ZNF618: variants seen among roughly 807,000 people sequenced by gnomAD.
ZNF618 encodes the protein neural precursor cell expressed, developmentally down-regulated 10.
ZNF618 carries 34 observed loss-of-function variants against 103.0 expected under a neutral mutation model. That is an observed-to-expected ratio of 0.33 (90% CI 0.25 to 0.44). The LOEUF is 0.44. Ranked by LOEUF, ZNF618 falls within the 20% of genes least tolerant of loss-of-function variation. ZNF618 has a pLI of 1.00. For synonymous variants in ZNF618, 551 were observed against 542.2 expected (o/e 1.02, Z -0.23); for missense variants, 1,059 against 1,295.4 (o/e 0.82, Z 2.80).
In ZNF618 at chr9:114,008,473, A is replaced by G. The variant is rs371101836; in HGVS notation, c.677-4A>G. On this transcript the variant is annotated splice_region_variant and splice_polypyrimidine_tract_variant and intron_variant, in intron 8 of 14. Coordinates refer to ENST00000374126, the MANE Select transcript of ZNF618 (RefSeq NM_001318042.2). ...GGTGCTAAGGGCCGTGTGTTCTCCC[A>G]CAGACCCCTTCGACCAAGGTGTCGT... is the stretch of plus-strand genomic sequence containing the variant. 2 of 1,613,910 alleles carry G rather than the reference A, an allele frequency of 1.2e-6. No homozygotes were observed. Among genetic ancestry groups the G allele is most frequent in the South Asian group, 2.2e-5 (2 of 91,070 alleles).
Position 114,032,576 on chromosome 9 carries a change from A to G in ZNF618, c.1085-69A>G, listed in dbSNP as rs986802432. The G allele has an allele frequency of 2.7e-6, 4 of 1,456,552 alleles. No individual in the cohort carries two copies. In the African/African-American group the frequency reaches 5.6e-5, roughly 20 times the overall value. 90.2% of individuals were successfully genotyped at this position (1,456,552 alleles called of 1,614,324 possible). On this transcript the variant is annotated intron_variant, in intron 11 of 14. Coordinates refer to ENST00000374126, the MANE Select transcript of ZNF618 (RefSeq NM_001318042.2). ...AGAGTCCTTGGCCTTCACCCAGCCT[A>G]CCCCTCCCTTGAGACCTAGTGCTGA...
At chr9:114,043,570 T>G (rs945785564) in intron 13 of ZNF618, among the ~76,000 whole-genome samples, 1 of 152,226 alleles carries the variant, frequency 6.6e-6, no homozygotes, top group East Asian at 1.9e-4. Context: ...TACCTAGTAA[T>G]GGGATTGCTG....
chr9:113,938,401 G>A (rs1167695253), intron 1 of ZNF618, among the ~76,000 whole-genome samples: 1 of 150,840 alleles, frequency 6.6e-6, no homozygotes, highest in Non-Finnish European at 1.5e-5. Flanking sequence ...GTTTTGTCTT[G>A]AACTCCTGGC....
intron 1 of ZNF618, among the ~76,000 whole-genome samples, chr9:113,897,786 T>C (rs1467672050): frequency 6.6e-6 from 1 of 152,060 alleles, no homozygotes; most frequent in Non-Finnish European, 1.5e-5. Context: ...ATTTCGTTTT[T>C]TGTTTTGTTT....
chr9:114,019,681 G>T (rs963063024), intron 10 of ZNF618, among the ~76,000 whole-genome samples: 5 of 152,122 alleles, frequency 3.3e-5, no homozygotes, highest in Non-Finnish European at 7.4e-5. Context: ...CATTTATTTG[G>T]TTGGGCTGTT....
At chr9:113,920,984 T>C (rs1250071752) in intron 1 of ZNF618, among the ~76,000 whole-genome samples, 1 of 152,226 alleles carries the variant, frequency 6.6e-6, no homozygotes, top group Non-Finnish European at 1.5e-5. Flanking sequence ...GTGGTGTGTT[T>C]CCCTTGCTAG....
At chr9:113,933,442 C>T (rs1300223322) in intron 1 of ZNF618, among the ~76,000 whole-genome samples, 6 of 152,164 alleles carry the variant, frequency 3.9e-5, no homozygotes, top group South Asian at 2.1e-4. Flanking sequence ...TGGGGCAGCA[C>T]GCAGGAAGAG....
chr9:113,886,672 C>T (rs999814090), intron 1 of ZNF618, among the ~76,000 whole-genome samples: 5 of 151,868 alleles, frequency 3.3e-5, no homozygotes, highest in African/African-American at 1.2e-4. Context: ...TACTAGCCTT[C>T]GTTGGAATTT....
At chr9:113,879,974 C>G (rs1587909063) in intron 1 of ZNF618, among the ~76,000 whole-genome samples, 1 of 152,140 alleles carries the variant, frequency 6.6e-6, no homozygotes, top group East Asian at 1.9e-4. Context: ...TAAGGCTGAC[C>G]TCTCCCTCGT....
intron 1 of ZNF618, among the ~76,000 whole-genome samples, chr9:113,949,170 T>A (rs1344772087): frequency 1.3e-5 from 2 of 152,232 alleles, no homozygotes; most frequent in African/African-American, 4.8e-5. Context: ...TGCGTCTGAC[T>A]TCTGCATTGG....
At chr9:114,007,261 C>G in intron 6 of ZNF618, 89 bp from the exon 7 acceptor site, 1 of 1,118,628 alleles carries the variant, frequency 8.9e-7, no homozygotes, top group Non-Finnish European at 1.3e-6. Flanking sequence ...CTAGTTTCAT[C>G]TTTGGTTTCT....
intron 3 of ZNF618, among the ~76,000 whole-genome samples, chr9:113,995,049 G>A (rs1276271876): frequency 6.6e-6 from 1 of 151,916 alleles, no homozygotes; most frequent in African/African-American, 2.4e-5. Context: ...AAAAACATAT[G>A]AACAAGCCTA....
chr9:113,909,243 C>T (rs374924857), intron 1 of ZNF618, among the ~76,000 whole-genome samples: 2 of 152,002 alleles, frequency 1.3e-5, no homozygotes, highest in African/African-American at 4.8e-5. Flanking sequence ...GAGGCATGTC[C>T]CGGCCTGATA....
chr9:113,945,785 G>GA (rs1564199937), intron 1 of ZNF618, among the ~76,000 whole-genome samples: 1 of 152,034 alleles, frequency 6.6e-6, no homozygotes, highest in Non-Finnish European at 1.5e-5. Context: ...GCTGGGGGGA[G>GA]AAAAAAAGAC....
intron 13 of ZNF618, among the ~76,000 whole-genome samples, chr9:114,044,845 T>C (rs1295611764): frequency 6.6e-6 from 1 of 152,094 alleles, no homozygotes; most frequent in Non-Finnish European, 1.5e-5. Flanking sequence ...GCAACTTTTG[T>C]AAAAGGGGTT....
At chr9:113,961,237 G>A (rs891257414) in intron 1 of ZNF618, among the ~76,000 whole-genome samples, 1 of 152,190 alleles carries the variant, frequency 6.6e-6, no homozygotes, top group Non-Finnish European at 1.5e-5. Flanking sequence ...TTCAGAGCAC[G>A]TATCTCAGGT....
chr9:113,904,662 T>C (rs540822677), intron 1 of ZNF618, among the ~76,000 whole-genome samples: 2 of 152,214 alleles, frequency 1.3e-5, no homozygotes, highest in Non-Finnish European at 2.9e-5. Context: ...AAATCTGAAA[T>C]GGGCCTCACT....
At chr9:113,973,747 G>A (rs888839990) in intron 2 of ZNF618, among the ~76,000 whole-genome samples, 7 of 152,204 alleles carry the variant, frequency 4.6e-5, no homozygotes, top group African/African-American at 1.7e-4. Flanking sequence ...TACAGACTTG[G>A]TGTAATAAAT....
chr9:114,001,842 C>T (rs1378693422), intron 4 of ZNF618, among the ~76,000 whole-genome samples, 154 bp from the exon 5 acceptor site: 2 of 152,222 alleles, frequency 1.3e-5, no homozygotes, highest in South Asian at 2.1e-4. Context: ...AGACCCAGGC[C>T]TCGTGACTTC....
Sources: gnomAD v4.1 joint callset for allele counts (sites outside exome capture counted in the v4.1 genomes callset) on GRCh38, gnomAD v4.1.1 for gene constraint, MANE v1.5 for transcripts, NCBI Gene and HGNC (gene_info 2026-07-23, HGNC 2026-07-21) for gene names.